The following EIF4E3 variants were observed in gnomAD, a reference collection of about 807,000 sequenced individuals.
The protein encoded by EIF4E3 is eukaryotic translation initiation factor 4E family member 3, also known as eukaryotic translation initiation factor 4E type 3.
In EIF4E3, 26 loss-of-function variants were observed where a neutral mutation model predicts 31.7. The ratio of observed to expected loss-of-function variants is 0.82; its 90% CI spans 0.60 to 1.14. The LOEUF (loss-of-function observed/expected upper bound fraction) is 1.14, where lower values mean the gene tolerates loss of function less well. Ranked by LOEUF, EIF4E3 falls within the 50% of genes most tolerant of loss-of-function variation. The pLI, the probability that EIF4E3 is intolerant of heterozygous loss-of-function variation, is 0.00. For synonymous variants in EIF4E3, 128 were observed against 107.7 expected, an observed-to-expected ratio of 1.19 and a Z score of -1.17; for missense variants, 304 against 270.9, an observed-to-expected ratio of 1.12 and a Z score of -0.86.
the EIF4E3 span, among the ~76,000 whole-genome samples, chr3:71,667,884 A>G: frequency 1.3e-5 from 2 of 152,234 alleles, no homozygotes; most frequent in African/African-American, 4.8e-5. Flanking sequence ...GACTTTCTTC[A>G]TAGAATTAGA....
chr3:71,717,275 G>C (rs976427775), intron 1 of EIF4E3, among the ~76,000 whole-genome samples: 6 of 152,192 alleles, frequency 3.9e-5, no homozygotes, highest in Admixed American at 6.5e-5. Context: ...AGACATGCTG[G>C]CCTATGTCAT....
chr3:71,703,852 A>C (rs951676685), intron 2 of EIF4E3, among the ~76,000 whole-genome samples: 1 of 150,840 alleles, frequency 6.6e-6, no homozygotes, highest in African/African-American at 2.4e-5. Context: ...GATTTATTCC[A>C]AGGTTGTGGC....
At chr3:71,750,678 G>T (rs913983749) in intron 1 of EIF4E3, among the ~76,000 whole-genome samples, 13 of 152,052 alleles carry the variant, frequency 8.5e-5, no homozygotes, top group African/African-American at 3.1e-4. Context: ...CCAGCACTTT[G>T]GGAGGCTGAG....
At chr3:71,695,366 C>T (rs1028760986) in intron 4 of EIF4E3, among the ~76,000 whole-genome samples, 7 of 152,168 alleles carry the variant, frequency 4.6e-5, no homozygotes, top group African/African-American at 1.4e-4. Context: ...GCCAAGTGAG[C>T]TAACAAGGAG....
chr3:71,690,233 C>T, intron 5 of EIF4E3, 68 bp from the exon 6 acceptor site: 2 of 1,453,930 alleles, frequency 1.4e-6, no homozygotes, highest in African/African-American at 1.5e-5. Flanking sequence ...TTTCTAAGAA[C>T]TTAGTCTTTT....
chr3:71,704,464 G>A (rs1025297358), intron 2 of EIF4E3, among the ~76,000 whole-genome samples: 8 of 152,220 alleles, frequency 5.3e-5, no homozygotes, highest in African/African-American at 1.9e-4. Flanking sequence ...AGGCAGGAGG[G>A]GTTATTCTGG....
At chr3:71,745,691 G>A (rs1380739373) in intron 1 of EIF4E3, among the ~76,000 whole-genome samples, 3 of 152,050 alleles carry the variant, frequency 2.0e-5, no homozygotes, top group African/African-American at 7.2e-5. Flanking sequence ...TGTAATCTTC[G>A]GCACTCCCAG....
chr3:71,711,455 C>T (rs62246329), intron 1 of EIF4E3, among the ~76,000 whole-genome samples: 23,164 of 152,176 alleles, frequency 0.15, 1,903 homozygotes, highest in East Asian at 0.37. Context: ...AAAAGCAATG[C>T]TCTTTACCAG....
chr3:71,661,708 G>T, the EIF4E3 span, among the ~76,000 whole-genome samples: 1 of 152,182 alleles, frequency 6.6e-6, no homozygotes, highest in Non-Finnish European at 1.5e-5. Context: ...GGACAGGCAT[G>T]ATAGACATCC....
upstream of EIF4E3, chr3:71,725,421 G>T: frequency 2.1e-6 from 2 of 971,528 alleles, no homozygotes; most frequent in African/African-American, 1.8e-5. This position sits in a 1 kb window ranked among gnomAD's most constrained non-coding sequence, Gnocchi z 6.1. Context: ...GGGCGAGCGC[G>T]GCTGAGTCAC....
intron 4 of EIF4E3, among the ~76,000 whole-genome samples, chr3:71,696,009 T>C (rs2049130873): frequency 6.6e-6 from 1 of 152,304 alleles, no homozygotes; most frequent in East Asian, 1.9e-4. Context: ...CCCCAAAGGA[T>C]AGTGAAATGC....
Position 71,680,428 on chromosome 3 carries a change from C to G in EIF4E3, c.*4254G>C, listed in dbSNP as rs930835739. 1 of 152,080 alleles carries G rather than the reference C, an allele frequency of 6.6e-6. No individual in the cohort carries two copies. Among genetic ancestry groups the G allele is most frequent in the African/African-American group, 2.4e-5 (1 of 41,406 alleles). 9.4% of individuals were successfully genotyped at this position (152,080 alleles called of 1,614,324 possible). The stretch of plus-strand genomic sequence containing the variant: ...GCACTGGTAGATGATCTCAAAGGTC[C>G]CTTCCACTCTAAAATTCTAAGAGTC... On this transcript the variant is annotated 3_prime_UTR_variant, in exon 7 of 7. Transcript: ENST00000425534.
At chr3:71,708,384 C>A (rs1015031897) in intron 2 of EIF4E3, among the ~76,000 whole-genome samples, 2 of 152,026 alleles carry the variant, frequency 1.3e-5, no homozygotes, top group Non-Finnish European at 2.9e-5. Flanking sequence ...TCTTGATCTG[C>A]GTGATGGTTG....
At chr3:71,725,485 C>G (rs1032953678), upstream of EIF4E3, 14 of 181,988 alleles carry the variant, frequency 7.7e-5, no homozygotes, top group Non-Finnish European at 7.4e-6. The surrounding 1 kb of genome is among the most constrained non-coding windows in gnomAD (Gnocchi z 6.1). Context: ...CCGGGCTAGC[C>G]GCCCGCCGCC....
chr3:71,709,899 T>C (rs1212808592), intron 2 of EIF4E3, among the ~76,000 whole-genome samples: 1 of 152,106 alleles, frequency 6.6e-6, no homozygotes, highest in Non-Finnish European at 1.5e-5. Flanking sequence ...GGTTGATCCA[T>C]GCCTAATTTA....
chr3:71,684,522 C>T lies in EIF4E3; in HGVS notation c.*160G>A, dbSNP rs2048964408. 1.6e-6 allele frequency: 1 copy of T among 618,248 alleles called. No homozygotes were observed. Among genetic ancestry groups the T allele is most frequent in the Non-Finnish European group, 2.7e-6 (1 of 375,820 alleles). The allele number at this position is 618,248 out of a possible 1,614,324, so 38.3% of individuals were successfully genotyped here. A position where few individuals can be genotyped will look rare whatever the true frequency, so the allele number is the denominator to read the frequency against. On this transcript the variant is annotated 3_prime_UTR_variant, in exon 7 of 7. Coordinates refer to ENST00000425534, the MANE Select transcript of EIF4E3 (RefSeq NM_001134651.2). ...AAACCCACACAATCTCCCCCCACCC[C>T]ACCTGCCACTTTGAGTCCTAATTGC...
chr3:71,688,012 CTTGT>C lies in EIF4E3; in HGVS notation c.628+1994_628+1997del, dbSNP rs1213480650. Reference sequence around the variant, plus strand: ...GCTTTGTTTACAATAAAGAAAACTGCTTGTTTTTTTTCAAATTCAGATTTTTATT... The same window carrying C: ...GCTTTGTTTACAATAAAGAAAACTGCTTTTTTTCAAATTCAGATTTTTATT... On this transcript the variant is annotated intron_variant, in intron 6 of 6. Transcript: ENST00000425534. 1.0e-4 allele frequency among the ~76,000 whole-genome samples: 14 copies of C among 138,318 alleles called. No individual in the cohort carries two copies. The Admixed American group carries it at 1.0e-3, about 10-fold the overall frequency. The allele number at this position is 138,318 out of a possible 152,430, so 90.7% of individuals were successfully genotyped here. A position where few individuals can be genotyped will look rare whatever the true frequency, so the allele number is the denominator to read the frequency against.
At chr3:71,693,967 AAAAC>A (rs2049099688) in intron 4 of EIF4E3, 26 bp from the exon 5 acceptor site, 2 of 1,530,722 alleles carry the variant, frequency 1.3e-6, no homozygotes, top group Admixed American at 2.2e-5. Context: ...AATAAAAAAC[AAAAC>A]AAACAAAATA....
the EIF4E3 span, among the ~76,000 whole-genome samples, chr3:71,663,462 C>T: frequency 1.3e-5 from 2 of 152,170 alleles, no homozygotes; most frequent in Admixed American, 1.3e-4. Context: ...AACCTACAGA[C>T]AAAGATTGGT....
Sources: gnomAD v4.1 joint callset for allele counts (sites outside exome capture counted in the v4.1 genomes callset) on GRCh38, gnomAD v4.1.1 for gene constraint, Gnocchi (gnomAD v3.1) non-coding constraint, MANE v1.5 for transcripts, NCBI Gene and HGNC (gene_info 2026-07-23, HGNC 2026-07-21) for gene names.